The following FBXO4 variants were observed in gnomAD, a reference collection of about 807,000 sequenced individuals.
FBXO4 encodes the protein F-box only protein 4.
FBXO4 carries 36 observed loss-of-function variants against 43.7 expected under a neutral mutation model. The observed-to-expected ratio is 0.82, with a 90% CI of 0.63 to 1.09. The LOEUF is 1.09. Among genes scored for constraint, FBXO4 ranks in the 50% least tolerant of loss-of-function variants. The pLI is 0.00. For missense variants in FBXO4, 435 were observed against 474.1 expected (o/e 0.92, Z 0.77); for synonymous variants, 180 against 165.6 (o/e 1.09, Z -0.67).
chr5:41,947,385 G>A, the FBXO4 span, among the ~76,000 whole-genome samples: 1 of 152,226 alleles, frequency 6.6e-6, no homozygotes, highest in Non-Finnish European at 1.5e-5. Context: ...ATCCAAAGGA[G>A]ATGAATAGAT....
chr5:41,973,323 C>T, the FBXO4 span, among the ~76,000 whole-genome samples: 1 of 152,076 alleles, frequency 6.6e-6, no homozygotes, highest in South Asian at 2.1e-4. Context: ...TAAAATGTTC[C>T]TCCTTACTAA....
chr5:41,951,206 T>C, the FBXO4 span: 2 of 159,154 alleles, frequency 1.3e-5, no homozygotes, highest in African/African-American at 4.8e-5. Context: ...GAACTTAAAG[T>C]ATAATGATAA....
At chr5:42,031,993 G>T in the FBXO4 span, among the ~76,000 whole-genome samples, 1 of 151,528 alleles carries the variant, frequency 6.6e-6, no homozygotes, top group African/African-American at 2.4e-5. Context: ...AGAGACTCTT[G>T]TTCTCTTCCC....
chr5:41,993,571 T>G, the FBXO4 span, among the ~76,000 whole-genome samples: 1 of 150,744 alleles, frequency 6.6e-6, no homozygotes, highest in South Asian at 2.1e-4. Flanking sequence ...TAACTGAAAC[T>G]TTTTACCCAT....
the FBXO4 span, among the ~76,000 whole-genome samples, chr5:42,012,133 C>T: frequency 1.3e-5 from 2 of 152,130 alleles, no homozygotes; most frequent in African/African-American, 4.8e-5. Context: ...CTGATGGGTT[C>T]AGGAAACCCT....
At chr5:42,024,861 T>C in the FBXO4 span, among the ~76,000 whole-genome samples, 1 of 151,972 alleles carries the variant, frequency 6.6e-6, no homozygotes, top group East Asian at 1.9e-4. Context: ...TCCATCCATA[T>C]TGTTGCAAAT....
At chr5:42,035,727 A>G in the FBXO4 span, among the ~76,000 whole-genome samples, 1 of 152,146 alleles carries the variant, frequency 6.6e-6, no homozygotes, top group Non-Finnish European at 1.5e-5. Flanking sequence ...TCAAACTGTC[A>G]TGCAAGAGCT....
At chr5:41,997,030 G>T in the FBXO4 span, among the ~76,000 whole-genome samples, 1 of 152,354 alleles carries the variant, frequency 6.6e-6, no homozygotes, top group Non-Finnish European at 1.5e-5. Context: ...CACAAAGCTG[G>T]AGAGTTGATA....
chr5:41,957,561 A>G, the FBXO4 span, among the ~76,000 whole-genome samples: 1 of 150,930 alleles, frequency 6.6e-6, no homozygotes, highest in African/African-American at 2.4e-5. Flanking sequence ...TTATGTATCT[A>G]TTATTTCATC....
chr5:42,038,565 G>A, the FBXO4 span, among the ~76,000 whole-genome samples: 1 of 152,106 alleles, frequency 6.6e-6, no homozygotes, highest in South Asian at 2.1e-4. Flanking sequence ...TCAAATCAGA[G>A]TAATTGTGGT....
At chr5:41,927,626 A>G (rs1173329549) in intron 2 of FBXO4, among the ~76,000 whole-genome samples, 1 of 152,230 alleles carries the variant, frequency 6.6e-6, no homozygotes, top group Non-Finnish European at 1.5e-5. Flanking sequence ...AAACCATTCT[A>G]AAGGCTCTGA....
the FBXO4 span, among the ~76,000 whole-genome samples, chr5:42,028,276 C>A: frequency 6.6e-6 from 1 of 151,738 alleles, no homozygotes; most frequent in Admixed American, 6.6e-5. Context: ...TATATATTGA[C>A]CTTCTTTGTT....
At chr5:42,035,342 A>G in the FBXO4 span, among the ~76,000 whole-genome samples, 2 of 152,120 alleles carry the variant, frequency 1.3e-5, no homozygotes, top group Non-Finnish European at 2.9e-5. Flanking sequence ...TGCCCTAGCC[A>G]GAACTTCCAA....
chr5:42,017,171 T>C, the FBXO4 span, among the ~76,000 whole-genome samples: 13 of 151,832 alleles, frequency 8.6e-5, no homozygotes, highest in African/African-American at 3.1e-4. Flanking sequence ...ATACTAAGAA[T>C]AAATAAATAG....
At chr5:41,991,029 G>T in the FBXO4 span, among the ~76,000 whole-genome samples, 1 of 152,142 alleles carries the variant, frequency 6.6e-6, no homozygotes, top group Non-Finnish European at 1.5e-5. Context: ...AATATGATGG[G>T]TTGCTTAGAA....
At chr5:41,941,765 A>G (rs1016298204), downstream of FBXO4, 1 of 153,066 alleles carries the variant, frequency 6.5e-6, no homozygotes, top group African/African-American at 2.4e-5. Context: ...TGCATTTAAT[A>G]TTATGGCCAT....
At chr5:41,960,214 C>T in the FBXO4 span, among the ~76,000 whole-genome samples, 1 of 151,838 alleles carries the variant, frequency 6.6e-6, no homozygotes, top group Non-Finnish European at 1.5e-5. Context: ...ATTTTGTATT[C>T]TGCAACTTTA....
chr5:41,969,871 T>C, the FBXO4 span, among the ~76,000 whole-genome samples: 1 of 152,016 alleles, frequency 6.6e-6, no homozygotes, highest in Non-Finnish European at 1.5e-5. Flanking sequence ...GTGTGTGTTG[T>C]GAAAAAAAGG....
At chr5:41,997,284 T>C in the FBXO4 span, among the ~76,000 whole-genome samples, 1 of 152,344 alleles carries the variant, frequency 6.6e-6, no homozygotes, top group Admixed American at 6.5e-5. Flanking sequence ...CCATGATCCA[T>C]CTCTTTTCTG....
Sources: allele counts gnomAD v4.1 joint callset (sites outside exome capture counted in the v4.1 genomes callset), GRCh38; gene constraint gnomAD v4.1.1; transcripts MANE v1.5; gene names NCBI Gene and HGNC (gene_info 2026-07-23, HGNC 2026-07-21).